The following ME1 variants were observed in gnomAD, a reference collection of about 807,000 sequenced individuals.
ME1 encodes the protein malic enzyme 1, also known as NADP-dependent malic enzyme.
In ME1, 74 loss-of-function variants were observed where a neutral mutation model predicts 66.4. The observed-to-expected ratio is 1.11, with a 90% CI of 0.92 to 1.35. The LOEUF is 1.35. ME1 is among the 40% of genes most tolerant of loss of function. ME1 has a pLI of 0.00. For missense variants in ME1, 750 were observed against 694.1 expected (o/e 1.08, Z -0.90); for synonymous variants, 251 against 235.6 (o/e 1.07, Z -0.60).
intron 3 of ME1, among the ~76,000 whole-genome samples, chr6:83,377,104 A>G (rs1442517330): frequency 6.6e-6 from 1 of 152,208 alleles, no homozygotes; most frequent in Non-Finnish European, 1.5e-5. Context: ...ATCTCAGATT[A>G]AATGACTTTA....
chr6:83,313,765 T>TCAAA (rs2307914), intron 6 of ME1, among the ~76,000 whole-genome samples: 51,306 of 151,820 alleles, frequency 0.34, 9,012 homozygotes, highest in Middle Eastern at 0.5. Context: ...TTATGTGATC[T>TCAAA]CAAACTGCAG....
At chr6:83,384,328 C>T (rs1583410932) in intron 3 of ME1, among the ~76,000 whole-genome samples, 2 of 151,260 alleles carry the variant, frequency 1.3e-5, no homozygotes, top group African/African-American at 2.4e-5. Context: ...ACCTCACCAA[C>T]ATCTGATTTT....
chr6:83,351,823 T>C (rs1768807665), intron 4 of ME1, among the ~76,000 whole-genome samples: 1 of 152,154 alleles, frequency 6.6e-6, no homozygotes, highest in Non-Finnish European at 1.5e-5. Context: ...ACATTTATCA[T>C]TACTTAGAAT....
At chr6:83,398,168 T>C (rs186908362) in intron 3 of ME1, among the ~76,000 whole-genome samples, 199 bp downstream of exon 3, 2 of 152,204 alleles carry the variant, frequency 1.3e-5, no homozygotes, top group South Asian at 2.1e-4. Context: ...ATGATATGAA[T>C]GTGAAATAAT....
Position 83,327,651 on chromosome 6 carries a change from G to A in ME1, c.601-12238C>T, listed in dbSNP as rs1417387827. ...GACAATGGTGCCCGAAACTTCATTA[G>A]CAATTTTAATTTCGCCTCGGTCCTG... On this transcript the variant is annotated intron_variant, in intron 5 of 13. Transcript: ENST00000369705. Among the ~76,000 whole-genome samples, 4 of 152,288 alleles carry A rather than the reference G, an allele frequency of 2.6e-5. No individual in the cohort carries two copies. In the East Asian group the frequency reaches 7.7e-4, roughly 29 times the overall value.
rs554199884 is a variant in ME1, at chr6:83,333,312, G to A, written c.600+12861C>T. On this transcript the variant is annotated intron_variant, in intron 5 of 13. Coordinates refer to ENST00000369705, the MANE Select transcript of ME1 (RefSeq NM_002395.6). ...AAAATTAGTACTACAGGAACATTTTGACTAAAATCAGTTTTCCATATGTGA... is the reference window on the plus strand; with the variant it reads ...AAAATTAGTACTACAGGAACATTTTAACTAAAATCAGTTTTCCATATGTGA... 5.1e-4 allele frequency among the ~76,000 whole-genome samples: 78 copies of A among 152,176 alleles called. 1 individual carries two copies. Among genetic ancestry groups the A allele is most frequent in the African/African-American group, 1.8e-3 (73 of 41,546 alleles).
chr6:83,384,177 G>A (rs1583410867), intron 3 of ME1, among the ~76,000 whole-genome samples: 4 of 151,792 alleles, frequency 2.6e-5, no homozygotes, highest in East Asian at 3.9e-4. Context: ...TTTTCCTTTG[G>A]GTATATACCC....
rs1770364850 is a variant in ME1, at chr6:83,425,996, T to C, written c.78+4881A>G. Among the ~76,000 whole-genome samples the C allele has an allele frequency of 2.0e-5, 3 of 152,204 alleles. No homozygotes were observed. In the South Asian group the frequency reaches 6.2e-4, roughly 32 times the overall value. On this transcript the variant is annotated intron_variant, in intron 1 of 13. Transcript: ENST00000369705. ...TGTTAATGCAGGAGTGGGTTCGTTA[T>C]TGCAAGCAAGAGTGGGTTCCTTTAT...
At chr6:83,356,783 CATG>C (rs1768898351) in intron 3 of ME1, among the ~76,000 whole-genome samples, 1 of 152,088 alleles carries the variant, frequency 6.6e-6, no homozygotes, top group African/African-American at 2.4e-5. Context: ...AAATAGCCAA[CATG>C]ATGCCGCATC....
intron 2 of ME1, among the ~76,000 whole-genome samples, chr6:83,404,038 T>C (rs144779348): frequency 1.2e-3 from 187 of 152,234 alleles, no homozygotes; most frequent in African/African-American, 4.3e-3. Flanking sequence ...TATTGTGGGG[T>C]CAAATGGTGT....
At chr6:83,429,180 G>A (rs889625884) in intron 1 of ME1, among the ~76,000 whole-genome samples, 1 of 152,094 alleles carries the variant, frequency 6.6e-6, no homozygotes, top group South Asian at 2.1e-4. Flanking sequence ...GGAGAATGGC[G>A]TGAACCCAGG....
At chr6:83,326,382 T>G (rs978614000) in intron 5 of ME1, among the ~76,000 whole-genome samples, 1 of 152,010 alleles carries the variant, frequency 6.6e-6, no homozygotes, top group African/African-American at 2.4e-5. Flanking sequence ...AAAGCAAAAT[T>G]GACAAATGGG....
intron 7 of ME1, among the ~76,000 whole-genome samples, chr6:83,250,970 T>G (rs1790712836): frequency 6.6e-6 from 1 of 152,224 alleles, no homozygotes; most frequent in Non-Finnish European, 1.5e-5. Flanking sequence ...ATGGCTTTGT[T>G]GCAATAACTT....
intron 6 of ME1, among the ~76,000 whole-genome samples, chr6:83,268,602 G>T (rs1224609838): frequency 6.6e-6 from 1 of 151,904 alleles, no homozygotes; most frequent in African/African-American, 2.4e-5. Context: ...GTCTCACTTT[G>T]TCACCCAGGC....
At chr6:83,423,336 C>G (rs1264136704) in intron 1 of ME1, among the ~76,000 whole-genome samples, 1 of 151,764 alleles carries the variant, frequency 6.6e-6, no homozygotes, top group Non-Finnish European at 1.5e-5. Context: ...AGCAAACCTG[C>G]TTTAAAAAAA....
At chr6:83,273,096 G>C (rs1204650699) in intron 6 of ME1, among the ~76,000 whole-genome samples, 1 of 146,084 alleles carries the variant, frequency 6.8e-6, no homozygotes, top group Non-Finnish European at 1.5e-5. Flanking sequence ...AGAATTGCTT[G>C]AACCCAGGAG....
intron 9 of ME1, among the ~76,000 whole-genome samples, chr6:83,233,565 C>T (rs572479747): frequency 2.0e-5 from 3 of 151,944 alleles, no homozygotes; most frequent in South Asian, 4.1e-4. Context: ...AATTATCTAG[C>T]GTGATGATGA....
chr6:83,419,951 G>C (rs1170779737), intron 1 of ME1, among the ~76,000 whole-genome samples: 1 of 152,210 alleles, frequency 6.6e-6, no homozygotes, highest in Non-Finnish European at 1.5e-5. Flanking sequence ...GTCCTAAGTG[G>C]AAGTATCATG....
intron 5 of ME1, among the ~76,000 whole-genome samples, chr6:83,332,797 A>G (rs754959018): frequency 3.3e-5 from 5 of 152,014 alleles, no homozygotes; most frequent in Non-Finnish European, 7.4e-5. Context: ...AAAATTACCT[A>G]TTGGGTACAA....
Sources: gnomAD v4.1 joint callset for allele counts (sites outside exome capture counted in the v4.1 genomes callset) on GRCh38, gnomAD v4.1.1 for gene constraint, MANE v1.5 for transcripts, NCBI Gene and HGNC (gene_info 2026-07-23, HGNC 2026-07-21) for gene names.